ZFHX3: variants seen among roughly 807,000 people sequenced by gnomAD.
ZFHX3 encodes the protein zinc finger homeobox 3.
A neutral mutation model predicts 279.1 loss-of-function variants in ZFHX3; 42 were observed. The ratio of observed to expected loss-of-function variants is 0.15; its 90% confidence interval spans 0.12 to 0.19. ZFHX3 has a LOEUF of 0.19. Among genes scored for constraint, ZFHX3 ranks in the 10% least tolerant of loss-of-function variants. ZFHX3 has a pLI of 1.00. For synonymous variants in ZFHX3, 2,293 were observed against 1,957.8 expected, an observed-to-expected ratio of 1.17 and a Z score of -4.52; for missense variants, 4,981 against 4,754.0, an observed-to-expected ratio of 1.05 and a Z score of -1.40.
intron 1 of ZFHX3, among the ~76,000 whole-genome samples, chr16:73,821,725 C>A (rs1960745508): frequency 1.3e-5 from 2 of 152,186 alleles, no homozygotes; most frequent in African/African-American, 4.8e-5. Context: ...AAATTTGCAG[C>A]CATGCTGAAC....
chr16:73,684,235 C>G (rs1871689), intron 1 of ZFHX3, among the ~76,000 whole-genome samples: 103,462 of 151,980 alleles, frequency 0.68, 37,051 homozygotes, highest in East Asian at 0.89. Flanking sequence ...TCAAGGGAAT[C>G]CAGACTTAAT....
At position 73,572,894 on chromosome 16, in the gene ZFHX3, G is replaced by T. The variant is rs761471455; in HGVS notation, c.-1547+107286C>A. 3.3e-5 allele frequency among the ~76,000 whole-genome samples: 5 copies of T among 152,202 alleles called. No individual in the cohort carries two copies. In the East Asian group the frequency reaches 9.7e-4, roughly 29 times the overall value. On this transcript the variant is annotated intron_variant, in intron 2 of 17. Coordinates refer to the ZFHX3 transcript ENST00000641206. ...CAATGCGGCCACTCCAGTATAAATT[G>T]GATCAAATGCTCTCAGATTAATTCC...
At chr16:73,442,621 T>A (rs1463216946) in intron 3 of ZFHX3, among the ~76,000 whole-genome samples, 5 of 152,206 alleles carry the variant, frequency 3.3e-5, no homozygotes, top group Non-Finnish European at 7.3e-5. Flanking sequence ...CCGAATAGAA[T>A]TCCCAGTATA....
Position 72,795,649 on chromosome 16 carries a change from T to C in ZFHX3, c.7033A>G (p.Lys2345Glu). 1 of 1,614,014 alleles carries C rather than the reference T, an allele frequency of 6.2e-7. No individual in the cohort carries two copies. The highest frequency in any genetic ancestry group is 1.1e-5 in the South Asian group (1 of 91,040). The change falls in exon 9 of 10, where the codon AAG becomes GAG. Residue 2345 changes from lysine (K) to glutamate (E), a missense_variant. By Grantham distance (56) the Lys-to-Glu change is moderately conservative. Coordinates refer to ENST00000268489, the MANE Select transcript of ZFHX3 (RefSeq NM_006885.4). ...LVFQRIFDLIKHQKKLCYKDE... is the reference protein window; with the variant it reads ...LVFQRIFDLIEHQKKLCYKDE... The stretch of plus-strand genomic sequence containing the variant: ...TTGTAACACAGCTTCTTCTGGTGCT[T>C]GATGAGATCAAAGATGCGCTGAAAC...
intron 2 of ZFHX3, among the ~76,000 whole-genome samples, chr16:73,594,121 A>G (rs1430634379): frequency 6.6e-6 from 1 of 152,212 alleles, no homozygotes; most frequent in Non-Finnish European, 1.5e-5. Flanking sequence ...TGAAAGTAAT[A>G]TGATAAAGGA....
intron 4 of ZFHX3, among the ~76,000 whole-genome samples, chr16:73,270,179 T>C (rs2014102082): frequency 6.6e-6 from 1 of 152,208 alleles, no homozygotes; most frequent in African/African-American, 2.4e-5. Flanking sequence ...AAGTATCTAG[T>C]TGTGATTTTA....
chr16:73,578,189 G>A (rs1223681750), intron 2 of ZFHX3, among the ~76,000 whole-genome samples: 1 of 152,168 alleles, frequency 6.6e-6, no homozygotes, highest in East Asian at 1.9e-4. Flanking sequence ...CATTTGGACT[G>A]AGTTAAACAG....
intron 1 of ZFHX3, among the ~76,000 whole-genome samples, chr16:73,763,495 C>T (rs1424199051): frequency 2.6e-5 from 4 of 152,190 alleles, no homozygotes; most frequent in Admixed American, 6.5e-5. Flanking sequence ...CTGTTCCTTT[C>T]ACCACATTTA....
intron 1 of ZFHX3, among the ~76,000 whole-genome samples, chr16:73,858,509 C>T (rs1012840619): frequency 6.6e-6 from 1 of 152,204 alleles, no homozygotes; most frequent in Non-Finnish European, 1.5e-5. Flanking sequence ...CTGTGTCACA[C>T]TATATTTTAG....
chr16:73,877,070 G>A (rs553608762), intron 1 of ZFHX3, among the ~76,000 whole-genome samples: 1 of 151,692 alleles, frequency 6.6e-6, no homozygotes, highest in South Asian at 2.1e-4. Context: ...CAAGGTAAGG[G>A]AGAGAGATCA....
chr16:73,236,662 G>C (rs1456092307), intron 5 of ZFHX3, among the ~76,000 whole-genome samples: 4 of 152,214 alleles, frequency 2.6e-5, no homozygotes, highest in Non-Finnish European at 5.9e-5. Flanking sequence ...TAACTGGGAA[G>C]CTTAAATATC....
rs190781425 is a variant in ZFHX3 at position 73,690,998 on chromosome 16, C to A, written c.-1607-10758G>T. ...AGAGACACACAGACCAATTTTTCCA[C>A]CTGCATAAGACTGGACACTGTAAAA... On this transcript the variant is annotated intron_variant, in intron 1 of 17. Transcript: ENST00000641206. 1.4e-4 allele frequency among the ~76,000 whole-genome samples: 21 copies of A among 152,320 alleles called. No homozygotes were observed. In the East Asian group the frequency reaches 4.1e-3, roughly 29 times the overall value.
chr16:73,036,909 C>T (rs1329058554), intron 1 of ZFHX3, among the ~76,000 whole-genome samples: 1 of 152,150 alleles, frequency 6.6e-6, no homozygotes. Context: ...CCACATCTCT[C>T]ACCCTCCAAA....
At position 72,796,773 on chromosome 16, in the gene ZFHX3, T is replaced by A. The variant is rs745957000; in HGVS notation, c.5909A>T (p.Lys1970Met). The part of the protein sequence containing the change: ...YNENKQKVQK[K>M]NGKTDQGENL... The stretch of plus-strand genomic sequence containing the variant: ...CTCTCCCTGGTCAGTCTTCCCATTC[T>A]TTTTCTGCACCTTCTGCTTGTTCTC... The change falls in exon 9 of 10, where the codon AAG becomes ATG. Residue 1970 changes from lysine (K) to methionine (M), a missense_variant. Lys to Met is a moderately conservative substitution (Grantham distance 95, BLOSUM62 -1). Transcript: ENST00000268489. The A allele has an allele frequency of 2.5e-6, 4 of 1,613,546 alleles. No homozygotes were observed. In the Admixed American group the frequency reaches 6.7e-5, roughly 27 times the overall value.
intron 1 of ZFHX3, among the ~76,000 whole-genome samples, chr16:73,804,646 G>A (rs1044292916): frequency 3.9e-5 from 6 of 152,040 alleles, no homozygotes; most frequent in Non-Finnish European, 8.8e-5. Flanking sequence ...CTAGCATCAT[G>A]GCAAATATGA....
intron 1 of ZFHX3, among the ~76,000 whole-genome samples, chr16:73,890,191 CG>C (rs2030482564): frequency 6.8e-6 from 1 of 147,694 alleles, no homozygotes; most frequent in Non-Finnish European, 1.5e-5. Context: ...CTTTGTACTT[CG>C]TTGTTAAATT....
At chr16:73,587,781 T>C (rs1041969512) in intron 2 of ZFHX3, among the ~76,000 whole-genome samples, 2 of 152,360 alleles carry the variant, frequency 1.3e-5, no homozygotes, top group Admixed American at 1.3e-4. Context: ...TATCATGTAA[T>C]AGTCCATTCC....
chr16:73,333,080 A>C (rs1375775449), intron 3 of ZFHX3, among the ~76,000 whole-genome samples: 1 of 152,162 alleles, frequency 6.6e-6, no homozygotes, highest in African/African-American at 2.4e-5. Context: ...CAAAGATTTT[A>C]GATAGATAGA....
At chr16:73,709,283 T>G (rs1367379436) in intron 1 of ZFHX3, among the ~76,000 whole-genome samples, 2 of 151,734 alleles carry the variant, frequency 1.3e-5, no homozygotes, top group Non-Finnish European at 2.9e-5. Context: ...GAGGATCACT[T>G]GAGCTCAGGA....
Sources: gnomAD v4.1 joint callset for allele counts (sites outside exome capture counted in the v4.1 genomes callset) on GRCh38, gnomAD v4.1.1 for gene constraint, MANE v1.5 for transcripts, NCBI Gene and HGNC (gene_info 2026-07-23, HGNC 2026-07-21) for gene names.